The following PDIA5 variants were observed in gnomAD, a reference collection of about 807,000 sequenced individuals.
The protein encoded by PDIA5 is protein disulfide-isomerase A5.
In PDIA5, 58 loss-of-function variants were observed where a neutral mutation model predicts 77.6. The observed-to-expected ratio is 0.75, with a 90% CI of 0.61 to 0.93. The LOEUF (loss-of-function observed/expected upper bound fraction) is 0.93. Among genes scored for constraint, PDIA5 ranks in the 40% least tolerant of loss-of-function variants. The pLI, the probability that PDIA5 is intolerant of heterozygous loss-of-function variation, is 0.00. For synonymous variants in PDIA5, 250 were observed against 252.1 expected, an observed-to-expected ratio of 0.99 and a Z score of 0.08; for missense variants, 630 against 647.7, an observed-to-expected ratio of 0.97 and a Z score of 0.30.
Position 123,106,836 on chromosome 3 carries a change from GA to G in PDIA5, c.479del (p.Lys160ArgfsTer7). 3 of 1,606,676 alleles carry G rather than the reference GA, an allele frequency of 1.9e-6. No homozygotes were observed. Among genetic ancestry groups the G allele is most frequent in the Non-Finnish European group, 8.5e-7 (1 of 1,174,516 alleles). On this transcript the variant is annotated frameshift_variant, in exon 6 of 17. Coordinates refer to ENST00000316218, the MANE Select transcript of PDIA5 (RefSeq NM_006810.4). LOFTEE classifies it high-confidence loss of function. ...GAKDVVHLDS[E>X]KDFRRLLKKE... ...CAAAGATGTTGTCCACCTTGACAGTGAAAAGGTAATGTATTCCCCGTCAGTT... is the reference window on the plus strand; with the variant it reads ...CAAAGATGTTGTCCACCTTGACAGTGAAAGGTAATGTATTCCCCGTCAGTT...
chr3:123,068,506 T>C (rs186936590), intron 1 of PDIA5, among the ~76,000 whole-genome samples: 20 of 152,336 alleles, frequency 1.3e-4, no homozygotes, highest in South Asian at 4.1e-4. Context: ...ATCAGTTCCC[T>C]GGAGCCAGTT....
chr3:123,117,881 A>C (rs1435106171), intron 8 of PDIA5, among the ~76,000 whole-genome samples: 1 of 152,138 alleles, frequency 6.6e-6, no homozygotes, highest in East Asian at 1.9e-4. Context: ...TCTTGATGGC[A>C]ACATAAAAAC....
intron 6 of PDIA5, among the ~76,000 whole-genome samples, chr3:123,108,820 A>C (rs935737246): frequency 6.6e-6 from 1 of 151,956 alleles, no homozygotes; most frequent in Non-Finnish European, 1.5e-5. Flanking sequence ...TGGGAGGCAG[A>C]GGTTGCAGTG....
chr3:123,078,097 C>T (rs1464714034), intron 1 of PDIA5, among the ~76,000 whole-genome samples: 4 of 152,132 alleles, frequency 2.6e-5, no homozygotes, highest in East Asian at 1.9e-4. Flanking sequence ...CATGAGCCAC[C>T]GTGCCCGGCC....
At chr3:123,120,953 G>T (rs1346726185) in intron 8 of PDIA5, among the ~76,000 whole-genome samples, 1 of 152,176 alleles carries the variant, frequency 6.6e-6, no homozygotes, top group Non-Finnish European at 1.5e-5. Context: ...TTCCCTCATA[G>T]CTCGTCCTTT....
chr3:123,146,052 A>G (rs769745441), intron 12 of PDIA5, 47 bp from the exon 13 acceptor site: 17 of 1,582,880 alleles, frequency 1.1e-5, no homozygotes, highest in Admixed American at 1.0e-4. Flanking sequence ...TTCCACCAGC[A>G]CCGCATCTGA....
chr3:123,117,481 T>C (rs987754360), intron 8 of PDIA5, among the ~76,000 whole-genome samples: 1 of 149,802 alleles, frequency 6.7e-6, no homozygotes, highest in African/African-American at 2.5e-5. Context: ...CGTCTTAGCC[T>C]CCTGAATAGC....
intron 1 of PDIA5, among the ~76,000 whole-genome samples, chr3:123,086,764 T>G: frequency 6.6e-6 from 1 of 152,232 alleles, no homozygotes; most frequent in East Asian, 1.9e-4. Flanking sequence ...CCATGTCTAA[T>G]TTTTCATTTA....
At chr3:123,125,381 C>A (rs1255036888) in intron 10 of PDIA5, among the ~76,000 whole-genome samples, 1 of 152,158 alleles carries the variant, frequency 6.6e-6, no homozygotes, top group Non-Finnish European at 1.5e-5. Flanking sequence ...TGAATGAGGT[C>A]CCTGAGGCAC....
At chr3:123,123,425 A>G (rs1247257535) in intron 8 of PDIA5, among the ~76,000 whole-genome samples, 5 of 152,236 alleles carry the variant, frequency 3.3e-5, no homozygotes, top group Admixed American at 6.5e-5. Context: ...GGTCACCAAC[A>G]GGAGGAAACA....
chr3:123,096,727 C>G (rs1263969534), intron 3 of PDIA5, among the ~76,000 whole-genome samples: 2 of 152,162 alleles, frequency 1.3e-5, no homozygotes, highest in African/African-American at 4.8e-5. Flanking sequence ...TTTCCTTCCC[C>G]CTCACTCCAC....
chr3:123,107,621 C>T (rs904465390), intron 6 of PDIA5, among the ~76,000 whole-genome samples: 6 of 152,156 alleles, frequency 3.9e-5, no homozygotes, highest in African/African-American at 1.2e-4. Flanking sequence ...CATGTGCATC[C>T]GTGTTTGTAT....
chr3:123,145,612 C>G lies in PDIA5; in HGVS notation c.981+20C>G. 6.3e-7 allele frequency: 1 copy of G among 1,584,040 alleles called. No individual in the cohort carries two copies. On this transcript the variant is annotated intron_variant, in intron 12 of 16. Coordinates refer to ENST00000316218, the MANE Select transcript of PDIA5 (RefSeq NM_006810.4). ...GCGGATGTAAGCTTCCTTTCCTTCC[C>G]CCTCACCGTTCTCTTTGAAAGAATC...
chr3:123,079,826 C>G (rs533543047), intron 1 of PDIA5, among the ~76,000 whole-genome samples: 2 of 152,314 alleles, frequency 1.3e-5, no homozygotes, highest in East Asian at 3.9e-4. Flanking sequence ...AAGAGATTCA[C>G]TAATGGTGTT....
chr3:123,095,581 C>A (rs62263189), intron 3 of PDIA5, among the ~76,000 whole-genome samples: 1 of 152,008 alleles, frequency 6.6e-6, no homozygotes, highest in African/African-American at 2.4e-5. Context: ...GAAACCCCAT[C>A]TCTACTAAAA....
intron 1 of PDIA5, among the ~76,000 whole-genome samples, chr3:123,084,725 T>G (rs1560500284): frequency 6.6e-6 from 1 of 152,182 alleles, no homozygotes; most frequent in African/African-American, 2.4e-5. Flanking sequence ...CTAAGAGTCA[T>G]TTTAGACTTT....
chr3:123,151,753 TGCCTGCCTGCCTGCCTGCCTGCCTGCCTG>T (rs1560561458), intron 14 of PDIA5, among the ~76,000 whole-genome samples: 3 of 145,944 alleles, frequency 2.1e-5, no homozygotes, highest in Admixed American at 6.7e-5. Context: ...CCTGCCTGCC[TGCCTGCCTGCCTGCCTGCCTGCCTGCCTG>T]GCCTGCCTTC....
At chr3:123,105,330 G>T (rs1934699414) in intron 5 of PDIA5, among the ~76,000 whole-genome samples, 1 of 152,238 alleles carries the variant, frequency 6.6e-6, no homozygotes, top group East Asian at 1.9e-4. Flanking sequence ...CCCCAGGCAG[G>T]TGGGTGCCTA....
intron 1 of PDIA5, among the ~76,000 whole-genome samples, chr3:123,073,499 C>A (rs1013532377): frequency 6.6e-6 from 1 of 152,322 alleles, no homozygotes; most frequent in Admixed American, 6.5e-5. Flanking sequence ...TATCCTTCCC[C>A]CAAGGAGCTC....
Sources: allele counts gnomAD v4.1 joint callset (sites outside exome capture counted in the v4.1 genomes callset), GRCh38; gene constraint gnomAD v4.1.1; transcripts MANE v1.5; gene names NCBI Gene and HGNC (gene_info 2026-07-23, HGNC 2026-07-21).